Variants in RGS12 observed in about 807,000 individuals in gnomAD.
RGS12 encodes regulator of G-protein signaling 12.
In RGS12, 66 loss-of-function variants were observed where a neutral mutation model predicts 120.1. The observed-to-expected ratio is 0.55, with a 90% CI of 0.45 to 0.67. The LOEUF (loss-of-function observed/expected upper bound fraction) is 0.67. Among genes scored for constraint, RGS12 ranks in the 30% least tolerant of loss-of-function variants. The pLI, the probability that RGS12 is intolerant of heterozygous loss-of-function variation, is 0.00. For missense variants in RGS12, 1,859 were observed against 1,957.7 expected, an observed-to-expected ratio of 0.95 and a Z score of 0.95; for synonymous variants, 827 against 804.7, an observed-to-expected ratio of 1.03 and a Z score of -0.47.
rs1287211841 is a variant in RGS12, at chr4:3,433,052, C to T, written c.4114+2097C>T. On this transcript the variant is annotated intron_variant, in intron 17 of 17. Transcript: ENST00000336727. This position sits in a 1 kb window ranked among gnomAD's most constrained non-coding sequence, Gnocchi z 4.4. ...TCTCTGTATTGGAGAGTTCACCTGC[C>T]CATGGCGGCAAAGGAAACAGGCTGT... Among the ~76,000 whole-genome samples, 5 of 152,220 alleles carry T rather than the reference C, an allele frequency of 3.3e-5. No individual in the cohort carries two copies.
At chr4:3,325,528 A>T (rs1334401267) in intron 2 of RGS12, among the ~76,000 whole-genome samples, 1 of 152,230 alleles carries the variant, frequency 6.6e-6, no homozygotes, top group Non-Finnish European at 1.5e-5. Context: ...AATAACGAGC[A>T]GTGAGATTGA....
chr4:3,306,336 G>A (rs1427301434), intron 1 of RGS12, among the ~76,000 whole-genome samples: 1 of 152,234 alleles, frequency 6.6e-6, no homozygotes, highest in Non-Finnish European at 1.5e-5. Flanking sequence ...CAGGAGGTGC[G>A]ATGACGATGA....
At chr4:3,387,353 C>T (rs1222155411) in intron 4 of RGS12, among the ~76,000 whole-genome samples, 1 of 152,232 alleles carries the variant, frequency 6.6e-6, no homozygotes, top group Non-Finnish European at 1.5e-5. Flanking sequence ...CAGTCCTCGG[C>T]CTCGGAAAGG....
chr4:3,370,109 C>G, intron 3 of RGS12: 1 of 1,381,424 alleles, frequency 7.2e-7, no homozygotes, highest in Non-Finnish European at 9.4e-7. Context: ...GAAACCCTGG[C>G]AAGCCACAGC....
chr4:3,414,043 T>G (rs1405498644), intron 4 of RGS12, 29 bp from the exon 5 acceptor site: 1 of 1,515,174 alleles, frequency 6.6e-7, no homozygotes, highest in Non-Finnish European at 8.8e-7. Flanking sequence ...AGGGCAGGGG[T>G]GCAGGTGCTG....
At chr4:3,414,629 T>A in intron 5 of RGS12, 123 bp from the exon 6 acceptor site, 1 of 727,842 alleles carries the variant, frequency 1.4e-6, no homozygotes, top group Non-Finnish European at 2.4e-6. Context: ...ATGAGGTTTC[T>A]CTCTCCAGGC....
At chr4:3,359,082 A>T (rs1325046629) in intron 3 of RGS12, among the ~76,000 whole-genome samples, 2 of 874 alleles carry the variant, frequency 2.3e-3, no homozygotes, top group Admixed American at 0.011. Context: ...CTCTTCCTCC[A>T]CCTCCCCTCC....
intron 4 of RGS12, 59 bp from the exon 5 acceptor site, chr4:3,414,013 C>A: frequency 6.8e-7 from 1 of 1,464,946 alleles, no homozygotes. Flanking sequence ...GCGGGCAGAG[C>A]AGTCACTGGG....
At chr4:3,376,066 C>T (rs1717652857) in intron 3 of RGS12, among the ~76,000 whole-genome samples, 1 of 152,198 alleles carries the variant, frequency 6.6e-6, no homozygotes, top group Non-Finnish European at 1.5e-5. Flanking sequence ...AGTCAGATGG[C>T]CCCTACTGCT....
the RGS12 span, among the ~76,000 whole-genome samples, chr4:3,287,486 C>G: frequency 2.6e-5 from 4 of 152,232 alleles, no homozygotes; most frequent in African/African-American, 9.6e-5. Flanking sequence ...GAGGGGTTCA[C>G]GCCACACACG....
chr4:3,325,356 C>T (rs1725487187), intron 2 of RGS12, among the ~76,000 whole-genome samples: 1 of 152,166 alleles, frequency 6.6e-6, no homozygotes, highest in Admixed American at 6.5e-5. Context: ...CTCTGAAACT[C>T]ATGTTGAAAT....
chr4:3,318,740 C>G (rs774064397), intron 2 of RGS12, among the ~76,000 whole-genome samples: 1 of 152,176 alleles, frequency 6.6e-6, no homozygotes, highest in Non-Finnish European at 1.5e-5. Flanking sequence ...GGGACTTTGT[C>G]CAGCAGGAGG....
At chr4:3,426,017 T>C (rs1427244727) in intron 14 of RGS12, among the ~76,000 whole-genome samples, 1 of 5,892 alleles carries the variant, frequency 1.7e-4, no homozygotes, top group African/African-American at 1.1e-3. Flanking sequence ...GGGGAGAGGG[T>C]GAGCGGGGCC....
At chr4:3,315,537 C>T (rs2110400210) in intron 1 of RGS12, among the ~76,000 whole-genome samples, 1 of 152,280 alleles carries the variant, frequency 6.6e-6, no homozygotes, top group East Asian at 1.9e-4. Flanking sequence ...TATTAGGTGA[C>T]CCCTCTCCTG....
chr4:3,311,214 G>A (rs1168947632), intron 1 of RGS12, among the ~76,000 whole-genome samples: 5 of 152,160 alleles, frequency 3.3e-5, no homozygotes, highest in South Asian at 2.1e-4. Context: ...CTGTGTGCAC[G>A]GGCAGTGCGG....
At position 3,439,502 on chromosome 4, in the gene RGS12, G is replaced by A. The variant is rs759793989; in HGVS notation, c.4162G>A (p.Asp1388Asn). The A allele has an allele frequency of 1.2e-5, 19 of 1,612,750 alleles. No individual in the cohort carries two copies. Among genetic ancestry groups the A allele is most frequent in the Non-Finnish European group, 1.4e-5 (17 of 1,179,910 alleles). ...AGACCTCCCAGTCAACAGAATCATC[G>A]ATGTGGATCTTGTAACTGGCTCGGC... ...SRDLPVNRII[D>N]VDLVTGSAPG... is the part of the protein sequence containing the mutation. Residue 1388 changes from aspartate to asparagine, a missense_variant, in exon 18 of 18, where the codon GAT becomes AAT. Transcript: ENST00000336727.
rs1287753719 is a variant in RGS12, at chr4:3,317,389, G to A, written c.1219G>A (p.Asp407Asn). 6.2e-7 allele frequency: 1 copy of A among 1,614,074 alleles called. No individual in the cohort carries two copies. Among genetic ancestry groups the A allele is most frequent in the East Asian group, 2.2e-5 (1 of 44,878 alleles). The change falls in exon 2 of 18, where the codon GAC becomes AAC. Residue 407 changes from aspartate to asparagine, a missense_variant. By Grantham distance (23) the Asp-to-Asn change is conservative. Around this residue, in one of 3 missense-constraint regions of RGS12, gnomAD observed 967 missense variants for 994.2 expected, o/e 0.97. Coordinates refer to ENST00000336727, the MANE Select transcript of RGS12 (RefSeq NM_001394154.1). ...GGGCATGCGGGCCCGCGCCTTTCTG[G>A]ACGGGGACGCCGATGCCCACCAGAA... ...IEGMRARAFLDGDADAHQNNS... is the reference protein window; with the variant it reads ...IEGMRARAFLNGDADAHQNNS...
chr4:3,293,937 G>A lies in RGS12; in HGVS notation c.-102+838G>A, dbSNP rs139874671. ...GGAGTGTAGACAGAGTCTCATAGCC[G>A]TGCAGACAGAGAAGGGGCCCAGAGC... On this transcript the variant is annotated intron_variant, in intron 1 of 17. Coordinates refer to ENST00000336727, the MANE Select transcript of RGS12 (RefSeq NM_001394154.1). Among the ~76,000 whole-genome samples, 1,357 of 151,336 alleles carry A rather than the reference G, an allele frequency of 9.0e-3. 21 individuals carry two copies. Among genetic ancestry groups the A allele is most frequent in the Middle Eastern group, 0.024 (7 of 288 alleles).
At position 3,316,649 on chromosome 4, in the gene RGS12, A is replaced by G. The variant is rs756407529; in HGVS notation, c.479A>G (p.Asn160Ser). 1 of 1,614,018 alleles carries G rather than the reference A, an allele frequency of 6.2e-7. No individual in the cohort carries two copies. The highest frequency in any genetic ancestry group is 1.1e-5 in the South Asian group (1 of 91,080). ...IFENPSLCAS[N>S]SEPLKLKQRS... Reference sequence around the variant, plus strand: ...GAAAACCCGAGCCTTTGTGCGAGCAATTCAGAGCCCTTGAAATTGAAACAA... The same window carrying G: ...GAAAACCCGAGCCTTTGTGCGAGCAGTTCAGAGCCCTTGAAATTGAAACAA... The change falls in exon 2 of 18, where the codon AAT becomes AGT. Residue 160 changes from asparagine to serine, a missense_variant. Asn to Ser is a conservative substitution (Grantham distance 46). Transcript: ENST00000336727.
Sources: gnomAD v4.1 joint callset for allele counts (sites outside exome capture counted in the v4.1 genomes callset) on GRCh38, gnomAD v4.1.1 for gene constraint, gnomAD v4.1.1 regional missense constraint, Gnocchi (gnomAD v3.1) non-coding constraint, MANE v1.5 for transcripts, NCBI Gene and HGNC (gene_info 2026-07-23, HGNC 2026-07-21) for gene names.